Variants in KIAA0753 observed in about 807,000 individuals in gnomAD.
KIAA0753 encodes the protein protein moonraker.
A neutral mutation model predicts 116.9 loss-of-function variants in KIAA0753; 114 were observed. The observed-to-expected ratio is 0.98, with a 90% CI of 0.84 to 1.14. The LOEUF (loss-of-function observed/expected upper bound fraction) is 1.14. Among genes scored for constraint, KIAA0753 ranks in the 50% most tolerant of loss-of-function variants. KIAA0753 has a pLI of 0.00. For synonymous variants in KIAA0753, 405 were observed against 413.1 expected (o/e 0.98, Z 0.24); for missense variants, 1,156 against 1,172.4 (o/e 0.99, Z 0.20).
In KIAA0753 at chr17:6,610,660, A is replaced by G. The variant is rs1002453615; in HGVS notation, c.1546-500T>C. ...CTTAGCCTCCTGAATAGCTGGGATC[A>G]CAAGTGTTAGATACCATGCCTGGCT... On this transcript the variant is annotated intron_variant, in intron 8 of 18. Transcript: ENST00000361413. Among the ~76,000 whole-genome samples the G allele has an allele frequency of 7.9e-5, 12 of 151,792 alleles. No individual in the cohort carries two copies. In the East Asian group the frequency reaches 2.3e-3, roughly 29 times the overall value.
chr17:6,627,589 A>C (rs1971750869), intron 3 of KIAA0753, among the ~76,000 whole-genome samples: 1 of 152,168 alleles, frequency 6.6e-6, no homozygotes, highest in African/African-American at 2.4e-5. Flanking sequence ...AACTGTAGAA[A>C]ACCATATATG....
Position 6,612,077 on chromosome 17 carries a change from C to G in KIAA0753, c.1387G>C (p.Asp463His). Residue 463 changes from aspartate (D) to histidine (H), a missense_variant, in exon 8 of 19, where the codon GAT becomes CAT. Asp to His is a moderately conservative substitution (Grantham distance 81). Coordinates refer to ENST00000361413, the MANE Select transcript of KIAA0753 (RefSeq NM_014804.3). ...LQSELDVLDA[D>H]IVLEEGPFIL... ...AATGGTCCTTCTTCCAGAACTATAT[C>G]CGCATCTAATACATCAAGCTCACTC... 3 of 1,614,178 alleles carry G rather than the reference C, an allele frequency of 1.9e-6. No individual in the cohort carries two copies. The highest frequency in any genetic ancestry group is 1.7e-6 in the Non-Finnish European group (2 of 1,179,994).
chr17:6,587,447 T>C (rs1337623744), intron 18 of KIAA0753, among the ~76,000 whole-genome samples: 1 of 152,210 alleles, frequency 6.6e-6, no homozygotes. Flanking sequence ...GTGAACAAAA[T>C]GTGTCATTTG....
At chr17:6,589,026 GACA>G (rs1245111781) in intron 18 of KIAA0753, among the ~76,000 whole-genome samples, 1 of 152,078 alleles carries the variant, frequency 6.6e-6, no homozygotes, top group African/African-American at 2.4e-5. Flanking sequence ...TCTCTGATGG[GACA>G]ACATTAGCAT....
chr17:6,615,614 C>CAAAAAAAAAAAA (rs60310389), intron 7 of KIAA0753, among the ~76,000 whole-genome samples: 1 of 58,764 alleles, frequency 1.7e-5, no homozygotes, highest in African/African-American at 6.5e-5. Context: ...GACTCCGTCT[C>CAAAAAAAAAAAA]AAAAAAAAAA....
At chr17:6,636,619 G>A (rs115127871) in intron 1 of KIAA0753, among the ~76,000 whole-genome samples, 3,137 of 151,868 alleles carry the variant, frequency 0.021, 104 homozygotes, top group African/African-American at 0.07. Context: ...TCCAGGAAAC[G>A]TCCCAATTTG....
At chr17:6,598,841 A>G (rs923247827) in intron 14 of KIAA0753, among the ~76,000 whole-genome samples, 2 of 152,228 alleles carry the variant, frequency 1.3e-5, no homozygotes, top group Non-Finnish European at 2.9e-5. Flanking sequence ...TTGCTTAACA[A>G]TAAATATTAG....
Position 6,612,132 on chromosome 17 carries a change from A to G in KIAA0753, c.1332T>C (p.Asp444=), listed in dbSNP as rs114740991. The G allele has an allele frequency of 1.8e-3, 2,851 of 1,612,792 alleles. 40 individuals carry two copies. In the African/African-American group the frequency reaches 0.033, roughly 19 times the overall value. Residue 444 remains aspartate, a synonymous_variant, in exon 8 of 19, where the codon GAT becomes GAC. Transcript: ENST00000361413. ...KQLLADKYQP[D]TELPETQRLQ... ...ACCTCTGGGTCTCCGGAAGCTCCGT[A>G]TCGGGCTGATACTTATCTACATGGA...
chr17:6,607,183 C>G lies in KIAA0753; in HGVS notation c.1917G>C (p.Gln639His). The change falls in exon 11 of 19, where the codon CAG becomes CAC. Residue 639 changes from glutamine to histidine, a missense_variant and splice_region_variant. By Grantham distance (24) the Gln-to-His change is conservative (BLOSUM62 0). Coordinates refer to ENST00000361413, the MANE Select transcript of KIAA0753 (RefSeq NM_014804.3). ...KAKEIDSMQK[Q>H]RLDWLDAETS... is the part of the protein sequence containing the mutation. The stretch of plus-strand genomic sequence containing the variant: ...CTAACTCAGAAGCAAATATTTACCT[C>G]TGTTTTTGCATGCTGTCAATTTCCT... The G allele has an allele frequency of 6.2e-7, 1 of 1,612,928 alleles. No homozygotes were observed. Among genetic ancestry groups the G allele is most frequent in the Non-Finnish European group, 8.5e-7 (1 of 1,178,870 alleles).
chr17:6,604,041 GAACA>G (rs1264841645), intron 12 of KIAA0753, among the ~76,000 whole-genome samples: 8 of 152,252 alleles, frequency 5.3e-5, no homozygotes, highest in African/African-American at 1.9e-4. Flanking sequence ...CTGCTGGTGG[GAACA>G]GACAGAGCCA....
chr17:6,628,022 A>G (rs935455773), intron 3 of KIAA0753, 95 bp downstream of exon 3: 2 of 1,196,672 alleles, frequency 1.7e-6, no homozygotes, highest in African/African-American at 1.5e-5. Context: ...GGAAAGAATG[A>G]AATTGCTATA....
At chr17:6,596,389 G>T in intron 14 of KIAA0753, 46 bp from the exon 15 acceptor site, 1 of 1,349,636 alleles carries the variant, frequency 7.4e-7, no homozygotes, top group Non-Finnish European at 1.0e-6. Context: ...GGGTGGATTA[G>T]GGGTGGGAAG....
rs887478365 is a variant in KIAA0753 at position 6,578,926 on chromosome 17, C to T, written c.*821G>A. ...CTGTTCCCTACTCCCACTTGGGTTC[C>T]TTTGTGGTATGAAATAGAGACACTT... On this transcript the variant is annotated 3_prime_UTR_variant, in exon 19 of 19. Transcript: ENST00000361413. The T allele has an allele frequency of 6.6e-6, 1 of 152,134 alleles. No homozygotes were observed. Among genetic ancestry groups the T allele is most frequent in the African/African-American group, 2.4e-5 (1 of 41,428 alleles). 9.4% of individuals were successfully genotyped at this position (152,134 alleles called of 1,614,324 possible). A position where few individuals can be genotyped will look rare whatever the true frequency, so the allele number is the denominator to read the frequency against.
At chr17:6,580,899 TACACACACACACAC>T (rs33914667) in intron 18 of KIAA0753, among the ~76,000 whole-genome samples, 4 of 143,946 alleles carry the variant, frequency 2.8e-5, no homozygotes, top group Non-Finnish European at 6.0e-5. Context: ...TGCTCCTCTG[TACACACACACACAC>T]ACACACACAC....
chr17:6,581,982 C>G (rs1470428704), intron 18 of KIAA0753, among the ~76,000 whole-genome samples: 2 of 152,152 alleles, frequency 1.3e-5, no homozygotes, highest in Non-Finnish European at 2.9e-5. Flanking sequence ...ATTTAGAAAC[C>G]AAGATGTGGG....
At chr17:6,637,448 C>G (rs937003882) in intron 1 of KIAA0753, 5 of 152,464 alleles carry the variant, frequency 3.3e-5, no homozygotes, top group African/African-American at 1.2e-4. Flanking sequence ...GAGCCCGTAT[C>G]CCCTACCATT....
chr17:6,612,042 G>A lies in KIAA0753; in HGVS notation c.1422C>T (p.Asp474=). The change falls in exon 8 of 19, where the codon GAC becomes GAT. Residue 474 remains aspartate, a synonymous_variant. Transcript: ENST00000361413. ...IVLEEGPFIL[D]QSASFKDEVL... is the part of the protein sequence containing the mutation. ...CCTCGTCTTTGAAGCTTGCACTTTG[G>A]TCTAGAATAAATGGTCCTTCTTCCA... 6.2e-7 allele frequency: 1 copy of A among 1,614,086 alleles called. No individual in the cohort carries two copies. The highest frequency in any genetic ancestry group is 8.5e-7 in the Non-Finnish European group (1 of 1,180,002).
intron 18 of KIAA0753, among the ~76,000 whole-genome samples, chr17:6,586,721 C>T (rs1296108150): frequency 6.6e-6 from 1 of 152,206 alleles, no homozygotes; most frequent in Non-Finnish European, 1.5e-5. Flanking sequence ...TAAGCCTTTC[C>T]TTTCATATCA....
At chr17:6,637,754 T>A (rs1264942487) in intron 1 of KIAA0753, 2 of 152,300 alleles carry the variant, frequency 1.3e-5, no homozygotes, top group African/African-American at 4.8e-5. Context: ...CCGCCCACTG[T>A]CTCTCTTTCA....
Sources: gnomAD v4.1 joint callset for allele counts (sites outside exome capture counted in the v4.1 genomes callset) on GRCh38, gnomAD v4.1.1 for gene constraint, MANE v1.5 for transcripts, NCBI Gene and HGNC (gene_info 2026-07-23, HGNC 2026-07-21) for gene names.